BRWD1: variants seen among roughly 807,000 people sequenced by gnomAD.
The protein encoded by BRWD1 is bromodomain and WD repeat-containing protein 1.
A neutral mutation model predicts 251.2 loss-of-function variants in BRWD1; 82 were observed. That is an observed-to-expected ratio of 0.33 (90% CI 0.27 to 0.39). The LOEUF is 0.39. Among genes scored for constraint, BRWD1 ranks in the 10% least tolerant of loss-of-function variants. The probability of loss-of-function intolerance (pLI) is 1.00; values close to 1 mark genes in which losing one functional copy is unlikely to be tolerated. For synonymous variants in BRWD1, 918 were observed against 902.8 expected, an observed-to-expected ratio of 1.02 and a Z score of -0.30; for missense variants, 2,233 against 2,711.6, an observed-to-expected ratio of 0.82 and a Z score of 3.92.
chr21:39,306,409 A>G (rs114569932), intron 4 of BRWD1, among the ~76,000 whole-genome samples: 2,310 of 152,216 alleles, frequency 0.015, 57 homozygotes, highest in African/African-American at 0.053. Flanking sequence ...GGGCCTGTCA[A>G]ATCCATGTTA....
intron 20 of BRWD1, among the ~76,000 whole-genome samples, chr21:39,249,913 GGGGTGTGTGTGTGTGTGTGTGTGTGTGT>G (rs1431314692): frequency 2.3e-5 from 3 of 132,460 alleles, no homozygotes; most frequent in Admixed American, 7.4e-5. Context: ...AAAAAGAAGG[GGGGTGTGTGTGTGTGTGTGTGTGTGTGT>G]GTGTGTGTGT....
At chr21:39,297,377 T>TA in intron 5 of BRWD1, 1 of 985,370 alleles carries the variant, frequency 1.0e-6, no homozygotes, top group Non-Finnish European at 1.2e-6. Context: ...AAACAGAGAA[T>TA]ACGCCCCTAC....
intron 23 of BRWD1, among the ~76,000 whole-genome samples, chr21:39,232,758 C>T (rs918168084): frequency 6.6e-6 from 1 of 152,178 alleles, no homozygotes; most frequent in Admixed American, 6.5e-5. Context: ...TTTTACATCC[C>T]ATTTTAGGGG....
chr21:39,308,919 T>C (rs147656243), intron 4 of BRWD1, among the ~76,000 whole-genome samples: 432 of 152,248 alleles, frequency 2.8e-3, no homozygotes, highest in African/African-American at 0.01. Flanking sequence ...GTCACACCTA[T>C]AATCCCAGCA....
chr21:39,241,473 T>TAAAAAAAA (rs61488970), intron 21 of BRWD1, among the ~76,000 whole-genome samples: 1 of 44,920 alleles, frequency 2.2e-5, no homozygotes, highest in Non-Finnish European at 4.0e-5. Flanking sequence ...ATCTCCAAAG[T>TAAAAAAAA]AAAAAAAAAA....
In BRWD1 at chr21:39,313,596, C is replaced by T. The variant is rs2036599816; in HGVS notation, c.-105G>A. 4 of 839,944 alleles carry T rather than the reference C, an allele frequency of 4.8e-6. No homozygotes were observed. Among genetic ancestry groups the T allele is most frequent in the South Asian group, 8.7e-5 (2 of 22,970 alleles). The allele number at this position is 839,944 out of a possible 1,614,324, so 52.0% of individuals were successfully genotyped here. ...TCCCCTCTTCTCAGGCGCGCGCCGCCGCCGCCGCCGCCGCCGCCATACCGT... is the reference window on the plus strand; with the variant it reads ...TCCCCTCTTCTCAGGCGCGCGCCGCTGCCGCCGCCGCCGCCGCCATACCGT... On this transcript the variant is annotated 5_prime_UTR_variant, in exon 1 of 41. Transcript: ENST00000342449.
At chr21:39,245,131 C>T (rs2034139610) in intron 21 of BRWD1, among the ~76,000 whole-genome samples, 1 of 151,584 alleles carries the variant, frequency 6.6e-6, no homozygotes, top group Non-Finnish European at 1.5e-5. Context: ...TTAATCCCAG[C>T]TACTTGGGAG....
intron 1 of BRWD1, among the ~76,000 whole-genome samples, chr21:39,319,830 A>C (rs2036731127): frequency 6.6e-6 from 1 of 151,944 alleles, no homozygotes; most frequent in Non-Finnish European, 1.5e-5. Context: ...CTGACTCTCC[A>C]CCTAATTAAT....
Position 39,188,232 on chromosome 21 carries a change from T to G in BRWD1, c.*8027A>C. On this transcript the variant is annotated 3_prime_UTR_variant, in exon 41 of 41. Transcript: ENST00000342449. The stretch of plus-strand genomic sequence containing the variant: ...TCACGGGCCCTTGAATTTTAGGTCT[T>G]TCTTGCAGCCATGAACAGTCAAACT... 1.0e-6 allele frequency: 1 copy of G among 985,418 alleles called. No individual in the cohort carries two copies. The highest frequency in any genetic ancestry group is 1.2e-6 in the Non-Finnish European group (1 of 829,914). 61.0% of individuals were successfully genotyped at this position (985,418 alleles called of 1,614,324 possible).
intron 8 of BRWD1, among the ~76,000 whole-genome samples, chr21:39,292,095 C>G (rs1022550406): frequency 1.7e-5 from 2 of 115,014 alleles, no homozygotes; most frequent in Admixed American, 1.3e-4. Flanking sequence ...GCGTGTGCTA[C>G]CTTGCCAAAC....
chr21:39,200,170 T>A, intron 39 of BRWD1, 49 bp downstream of exon 39: 1 of 1,500,624 alleles, frequency 6.7e-7, no homozygotes, highest in East Asian at 2.3e-5. Context: ...TTTATAACTT[T>A]TGGATTCTTT....
chr21:39,272,338 A>G (rs532051012), intron 13 of BRWD1, among the ~76,000 whole-genome samples: 6 of 150,570 alleles, frequency 4.0e-5, no homozygotes, highest in African/African-American at 1.5e-4. Flanking sequence ...CATCCTGGCT[A>G]ACATGGTGAA....
In BRWD1 at chr21:39,199,152, G is replaced by C. The variant is rs751546455; in HGVS notation, c.5264C>G (p.Ser1755Cys). The C allele has an allele frequency of 6.2e-7, 1 of 1,614,072 alleles. No individual in the cohort carries two copies. The highest frequency in any genetic ancestry group is 8.5e-7 in the Non-Finnish European group (1 of 1,180,016). ...ATGACTTTTAGAGTCTTCCTCAGAA[G>C]ACTCTATTTTAAGAAATTTTGTCTT... is the stretch of plus-strand genomic sequence containing the variant. ...PSKTKFLKIE[S>C]SEEDSKSHDS... Residue 1755 changes from serine to cysteine, a missense_variant, in exon 40 of 41, where the codon TCT becomes TGT. Around this residue, in one of 12 missense-constraint regions of BRWD1, gnomAD observed 928 missense variants for 970.0 expected, o/e 0.96. Transcript: ENST00000342449.
intron 8 of BRWD1, among the ~76,000 whole-genome samples, chr21:39,285,337 G>A (rs1304892449): frequency 2.0e-5 from 3 of 152,106 alleles, no homozygotes; most frequent in South Asian, 4.2e-4. Context: ...GGAAGGGGGG[G>A]ACCATGAGAA....
rs2033822944 is a variant in BRWD1 at position 39,236,692 on chromosome 21, C to T, written c.2669G>A (p.Arg890Gln). Residue 890 changes from arginine to glutamine, a missense_variant, in exon 23 of 41, where the codon CGA becomes CAA. Around this residue, in one of 12 missense-constraint regions of BRWD1, gnomAD observed 214 missense variants for 222.0 expected, o/e 0.96. Coordinates refer to ENST00000342449, the MANE Select transcript of BRWD1 (RefSeq NM_033656.4). ...LRTSCRRRIT[R>Q]FCSSSEDEIS... ...TTCATCTTCTGAACTACTACAAAAT[C>T]GAGTAATTCGTCGACGACATGATGT... The T allele has an allele frequency of 2.5e-6, 4 of 1,613,948 alleles. No homozygotes were observed. Among genetic ancestry groups the T allele is most frequent in the Non-Finnish European group, 2.5e-6 (3 of 1,179,904 alleles).
chr21:39,255,606 A>G, intron 19 of BRWD1, 39 bp downstream of exon 19: 1 of 1,514,938 alleles, frequency 6.6e-7, no homozygotes, highest in South Asian at 1.1e-5. Context: ...ATATATTTTC[A>G]CAGATAGAAA....
In BRWD1 at chr21:39,278,322, A is replaced by T. The variant is rs113229728; in HGVS notation, c.1003+421T>A. Among the ~76,000 whole-genome samples the T allele has an allele frequency of 2.9e-3, 437 of 152,368 alleles. 2 individuals are homozygous for T. Among genetic ancestry groups the T allele is most frequent in the African/African-American group, 1.0e-2 (414 of 41,584 alleles). ...AAGTCTTTGACCTATCCGAAAAAAG[A>T]GAAAGGTTACCACACAAGTTCACTG... On this transcript the variant is annotated intron_variant, in intron 10 of 40. Coordinates refer to ENST00000342449, the MANE Select transcript of BRWD1 (RefSeq NM_033656.4).
At position 39,213,413 on chromosome 21, in the gene BRWD1, A is replaced by G. The variant is rs73906153; in HGVS notation, c.3858+68T>C. Reference sequence around the variant, plus strand: ...CAAGAGTTGGTACTACAAAGCCAACATTTTCTTCACTTTAAAAATACCATT... The same window carrying G: ...CAAGAGTTGGTACTACAAAGCCAACGTTTTCTTCACTTTAAAAATACCATT... On this transcript the variant is annotated intron_variant, in intron 33 of 40. Transcript: ENST00000342449. The G allele has an allele frequency of 1.3e-3, 517 of 408,122 alleles. 1 individual carries two copies. In the African/African-American group the frequency reaches 0.021, roughly 17 times the overall value. The allele number at this position is 408,122 out of a possible 1,614,324, so 25.3% of individuals were successfully genotyped here.
At chr21:39,303,085 G>A (rs1422367841) in intron 4 of BRWD1, among the ~76,000 whole-genome samples, 1 of 152,116 alleles carries the variant, frequency 6.6e-6, no homozygotes, top group East Asian at 1.9e-4. Flanking sequence ...CAAAGCGACA[G>A]GATGGTGACA....
Sources: allele counts gnomAD v4.1 joint callset (sites outside exome capture counted in the v4.1 genomes callset), GRCh38; gene constraint gnomAD v4.1.1; regional missense constraint gnomAD v4.1.1; transcripts MANE v1.5; gene names NCBI Gene and HGNC (gene_info 2026-07-23, HGNC 2026-07-21).